ZNF721: variants seen among roughly 807,000 people sequenced by gnomAD.
ZNF721 encodes zinc finger protein 721.
In ZNF721, 2 loss-of-function variants were observed where a neutral mutation model predicts 2.4. That is an observed-to-expected ratio of 0.82 (90% CI 0.34 to 2.58). The LOEUF (loss-of-function observed/expected upper bound fraction) is 2.58. Among genes scored for constraint, ZNF721 ranks in the 30% most tolerant of loss-of-function variants. The pLI, the probability that ZNF721 is intolerant of heterozygous loss-of-function variation, is 0.11. For synonymous variants in ZNF721, 398 were observed against 381.8 expected (o/e 1.04, Z -0.50); for missense variants, 1,187 against 1,085.5 (o/e 1.09, Z -1.31).
At position 472,937 on chromosome 4, in the gene ZNF721, C is replaced by T. The variant is rs1009582953; in HGVS notation, c.-93-236G>A. 3.9e-4 allele frequency among the ~76,000 whole-genome samples: 59 copies of T among 152,036 alleles called. 1 individual carries two copies. The highest frequency in any genetic ancestry group is 1.9e-4 in the Non-Finnish European group (13 of 68,022). Reference sequence around the variant, plus strand: ...CTGACCTGCCCCTACCAAAACCAAGCAGAGTAGGCCCTGTGACCTCCTGGA... The same window carrying T: ...CTGACCTGCCCCTACCAAAACCAAGTAGAGTAGGCCCTGTGACCTCCTGGA... On this transcript the variant is annotated intron_variant, in intron 1 of 2. Coordinates refer to ENST00000511833, the MANE Select transcript of ZNF721 (RefSeq NM_133474.4).
At chr4:496,453 T>C (rs1553872215) in intron 1 of ZNF721, among the ~76,000 whole-genome samples, 2 of 152,080 alleles carry the variant, frequency 1.3e-5, no homozygotes, top group African/African-American at 4.8e-5. Flanking sequence ...CCACTGCATG[T>C]CTTAGGCAGC....
chr4:456,894 TAATA>T (rs1422951180), intron 2 of ZNF721, among the ~76,000 whole-genome samples: 5 of 151,884 alleles, frequency 3.3e-5, no homozygotes, highest in African/African-American at 7.3e-5. Context: ...ATTAATAAAT[TAATA>T]AATAAATGAT....
At chr4:480,011 G>T (rs1181303580) in intron 1 of ZNF721, among the ~76,000 whole-genome samples, 1 of 152,050 alleles carries the variant, frequency 6.6e-6, no homozygotes, top group Non-Finnish European at 1.5e-5. Context: ...TCAGTGTATT[G>T]TGTGTTTGGT....
intron 1 of ZNF721, among the ~76,000 whole-genome samples, chr4:495,311 CAAA>C (rs201625826): frequency 6.0e-5 from 3 of 49,770 alleles, no homozygotes; most frequent in Admixed American, 2.5e-4. Flanking sequence ...GTCAACTGAA[CAAA>C]AAAAAAAACT....
chr4:486,025 G>A (rs782081525), intron 1 of ZNF721, among the ~76,000 whole-genome samples: 17 of 151,930 alleles, frequency 1.1e-4, no homozygotes, highest in African/African-American at 2.7e-4. Context: ...TAATTATTCC[G>A]TTGCAACTTA....
rs1421177348 is a variant in ZNF721, at chr4:442,910, ATGTTTAGTAAGGGTTGTGGAAC to A, written c.1535_1556del (p.Ser512IlefsTer82). The stretch of plus-strand genomic sequence containing the variant: ...GTTTCTCTCCAGTATGAATTCTCCT[ATGTTTAGTAAGGGTTGTGGAAC>A]TAGTAAACGCTTTACCACATTCTAA... On this transcript the variant is annotated frameshift_variant, in exon 3 of 3. Transcript: ENST00000511833. LOFTEE classifies it low-confidence loss of function (END_TRUNC). 1 of 1,613,426 alleles carries A rather than the reference ATGTTTAGTAAGGGTTGTGGAAC, an allele frequency of 6.2e-7. No homozygotes were observed. Among genetic ancestry groups the A allele is most frequent in the African/African-American group, 1.3e-5 (1 of 74,804 alleles).
chr4:479,747 G>A (rs1553869082), intron 1 of ZNF721, among the ~76,000 whole-genome samples: 1 of 152,206 alleles, frequency 6.6e-6, no homozygotes, highest in African/African-American at 2.4e-5. Flanking sequence ...GCTCCATGTG[G>A]CCTTGTGGTC....
In ZNF721 at chr4:476,896, A is replaced by C. The variant is rs1279102291; in HGVS notation, c.-93-4195T>G. ...ACAGCTTAGGGAAAGTCCAGAATTA[A>C]GTTAGAGATCTTATAAACTAAGCCA... On this transcript the variant is annotated intron_variant, in intron 1 of 2. Transcript: ENST00000511833. 3.9e-5 allele frequency among the ~76,000 whole-genome samples: 6 copies of C among 152,190 alleles called. No homozygotes were observed. In the East Asian group the frequency reaches 1.2e-3, roughly 29 times the overall value.
chr4:492,795 A>C (rs1716056262), intron 1 of ZNF721, among the ~76,000 whole-genome samples: 1 of 150,718 alleles, frequency 6.6e-6, no homozygotes, highest in African/African-American at 2.4e-5. Flanking sequence ...TCTTACCAAA[A>C]AAAAAAAACA....
intron 1 of ZNF721, among the ~76,000 whole-genome samples, chr4:498,629 A>G (rs1716440646): frequency 6.6e-6 from 1 of 152,360 alleles, no homozygotes; most frequent in South Asian, 2.1e-4. Context: ...AAGACACAGA[A>G]AGACAAATAC....
intron 2 of ZNF721, among the ~76,000 whole-genome samples, chr4:445,360 AT>A (rs1714438814): frequency 6.6e-6 from 1 of 152,156 alleles, no homozygotes; most frequent in Non-Finnish European, 1.5e-5. Context: ...GACAAGAGAC[AT>A]CCTTCCAACA....
intron 1 of ZNF721, among the ~76,000 whole-genome samples, chr4:484,527 T>A (rs1214747713): frequency 2.0e-5 from 3 of 152,182 alleles, no homozygotes; most frequent in African/African-American, 7.2e-5. Context: ...GCAAGGAACG[T>A]CCCTGAGAAG....
At chr4:487,551 T>C (rs1254579768) in intron 1 of ZNF721, among the ~76,000 whole-genome samples, 1 of 152,216 alleles carries the variant, frequency 6.6e-6, no homozygotes, top group African/African-American at 2.4e-5. Context: ...TGTTATGCAG[T>C]TATAGCTTAG....
chr4:442,623 C>A lies in ZNF721; in HGVS notation c.1844G>T (p.Cys615Phe), dbSNP rs782190106. 1.2e-6 allele frequency: 2 copies of A among 1,613,912 alleles called. No individual in the cohort carries two copies. The highest frequency in any genetic ancestry group is 4.5e-5 in the East Asian group (2 of 44,824). Residue 615 changes from cysteine (C) to phenylalanine (F), a missense_variant, in exon 3 of 3, where the codon TGT (cysteine) becomes TTT (phenylalanine). Cys to Phe is a radical substitution (Grantham distance 205). Coordinates refer to ENST00000511833, the MANE Select transcript of ZNF721 (RefSeq NM_133474.4). ...TACAAAGTCTTTGCCACACTCTTCA[C>A]ATTTGTAAAGTTTCTCTCCAGTATG... ...KIHTGEKLYK[C>F]EECGKDFVWY...
At chr4:481,477 T>C (rs1715767787) in intron 1 of ZNF721, among the ~76,000 whole-genome samples, 1 of 152,224 alleles carries the variant, frequency 6.6e-6, no homozygotes, top group Non-Finnish European at 1.5e-5. Flanking sequence ...TAGCTTCCTT[T>C]GGGAAATGTC....
At chr4:446,341 C>T (rs958886410) in intron 2 of ZNF721, among the ~76,000 whole-genome samples, 1 of 151,072 alleles carries the variant, frequency 6.6e-6, no homozygotes, top group Non-Finnish European at 1.5e-5. Flanking sequence ...TGATTACTGA[C>T]ATCAATAACA....
intron 2 of ZNF721, among the ~76,000 whole-genome samples, chr4:459,255 T>C (rs1714941704): frequency 6.6e-6 from 1 of 152,008 alleles, no homozygotes; most frequent in Non-Finnish European, 1.5e-5. Context: ...ATGGGCAAAA[T>C]AACCAGCTAG....
At chr4:471,902 T>G (rs912586592) in intron 2 of ZNF721, among the ~76,000 whole-genome samples, 1 of 152,216 alleles carries the variant, frequency 6.6e-6, no homozygotes, top group South Asian at 2.1e-4. Context: ...AATTTTTATT[T>G]AACAGAAAAA....
At chr4:446,211 A>G (rs1714467769) in intron 2 of ZNF721, among the ~76,000 whole-genome samples, 1 of 152,190 alleles carries the variant, frequency 6.6e-6, no homozygotes, top group South Asian at 2.1e-4. Flanking sequence ...AAAGTTCTGT[A>G]CCACTATCCT....
Sources: allele counts gnomAD v4.1 joint callset (sites outside exome capture counted in the v4.1 genomes callset), GRCh38; gene constraint gnomAD v4.1.1; transcripts MANE v1.5; gene names NCBI Gene and HGNC (gene_info 2026-07-23, HGNC 2026-07-21).